Variants in PLOD2 observed in about 807,000 individuals in gnomAD.
PLOD2 encodes procollagen-lysine,2-oxoglutarate 5-dioxygenase 2, also known as lysine hydroxylase 2.
Under a neutral mutation model 101.0 loss-of-function variants are expected in PLOD2, and 65 were observed. That is an observed-to-expected ratio of 0.64 (90% CI 0.53 to 0.79). The LOEUF is 0.79. Ranked by LOEUF, PLOD2 falls within the 30% of genes least tolerant of loss-of-function variation. The probability of loss-of-function intolerance (pLI) is 0.00; values close to 1 mark genes in which losing one functional copy is unlikely to be tolerated. For synonymous variants in PLOD2, 314 were observed against 302.9 expected, an observed-to-expected ratio of 1.04 and a Z score of -0.38; for missense variants, 909 against 914.6, an observed-to-expected ratio of 0.99 and a Z score of 0.08.
chr3:146,087,507 T>C (rs1160927452), intron 9 of PLOD2, among the ~76,000 whole-genome samples: 2 of 151,870 alleles, frequency 1.3e-5, no homozygotes, highest in African/African-American at 4.8e-5. Flanking sequence ...GTTACCAATT[T>C]TAGTGTGATT....
chr3:146,130,561 G>A (rs1313904790), intron 1 of PLOD2, among the ~76,000 whole-genome samples: 1 of 152,144 alleles, frequency 6.6e-6, no homozygotes, highest in Non-Finnish European at 1.5e-5. Flanking sequence ...CAGAATGAGT[G>A]GACTCAGGGG....
rs536743290 is a variant in PLOD2, at chr3:146,116,465, AC to A, written c.338+4646del. ...TCCTGGCATTCCTGGGATAAATCCC[AC>A]TTGATCATGGGGGATATTTTTGTTG... On this transcript the variant is annotated intron_variant, in intron 3 of 19. Transcript: ENST00000282903. Among the ~76,000 whole-genome samples the A allele has an allele frequency of 4.1e-3, 623 of 152,292 alleles. 1 individual carries two copies. The highest frequency in any genetic ancestry group is 0.014 in the African/African-American group (600 of 41,576).
At chr3:146,144,664 T>C (rs1576627226) in intron 1 of PLOD2, among the ~76,000 whole-genome samples, 1 of 152,136 alleles carries the variant, frequency 6.6e-6, no homozygotes, top group Non-Finnish European at 1.5e-5. Flanking sequence ...ATAAAACTTA[T>C]GGTATAATCC....
At chr3:146,118,813 T>C (rs1451802013) in intron 3 of PLOD2, among the ~76,000 whole-genome samples, 1 of 152,206 alleles carries the variant, frequency 6.6e-6, no homozygotes, top group Non-Finnish European at 1.5e-5. Context: ...TTTATAACTT[T>C]GCGTGGTCTT....
chr3:146,160,794 C>G (rs2032537400), intron 1 of PLOD2, 87 bp downstream of exon 1: 4 of 855,942 alleles, frequency 4.7e-6, no homozygotes, highest in African/African-American at 1.7e-5. Flanking sequence ...CTCACCTGGC[C>G]AGCCCCGCGG....
At chr3:146,114,807 T>A (rs889606403) in intron 3 of PLOD2, among the ~76,000 whole-genome samples, 1 of 151,848 alleles carries the variant, frequency 6.6e-6, no homozygotes, top group African/African-American at 2.4e-5. Context: ...CAGGGTAGAG[T>A]CACAGAGGAT....
At chr3:146,097,204 G>C (rs948551841) in intron 7 of PLOD2, among the ~76,000 whole-genome samples, 1 of 139,664 alleles carries the variant, frequency 7.2e-6, no homozygotes, top group Non-Finnish European at 1.6e-5. Flanking sequence ...CCGGCCAGCC[G>C]CCCCATCCGG....
chr3:146,077,985 T>C, intron 13 of PLOD2, 61 bp from the exon 14 acceptor site: 1 of 925,758 alleles, frequency 1.1e-6, no homozygotes, highest in East Asian at 2.4e-5. Context: ...AGGTATTCTT[T>C]GGTAAATAAA....
Position 146,102,756 on chromosome 3 carries a change from T to G in PLOD2, c.776A>C (p.Lys259Thr). 1 of 1,489,046 alleles carries G rather than the reference T, an allele frequency of 6.7e-7. No individual in the cohort carries two copies. Among genetic ancestry groups the G allele is most frequent in the East Asian group, 2.3e-5 (1 of 44,214 alleles). 92.2% of individuals were successfully genotyped at this position (1,489,046 alleles called of 1,614,324 possible). A position where few individuals can be genotyped will look rare whatever the true frequency, so the allele number is the denominator to read the frequency against. Reference sequence around the variant, plus strand: ...CAAATAAAAGTAACTGTTACTTACCTTGGTGGGTCCATTTCCATTAATTGC... The same window carrying G: ...CAAATAAAAGTAACTGTTACTTACCGTGGTGGGTCCATTTCCATTAATTGC... ...PVAINGNGPT[K>T]ILLNYFGNYV... Residue 259 changes from lysine to threonine, a missense_variant and splice_region_variant, in exon 7 of 20, where the codon AAG becomes ACG. Coordinates refer to ENST00000282903, the MANE Select transcript of PLOD2 (RefSeq NM_182943.3).
chr3:146,096,877 A>AAGC, intron 7 of PLOD2, among the ~76,000 whole-genome samples: 1 of 18,176 alleles, frequency 5.5e-5, no homozygotes, highest in East Asian at 2.6e-3. Flanking sequence ...TCCGGGAGGG[A>AAGC]GGTGGGGGGG....
intron 3 of PLOD2, among the ~76,000 whole-genome samples, chr3:146,117,070 T>C (rs576820713): frequency 6.6e-6 from 1 of 152,280 alleles, no homozygotes; most frequent in Admixed American, 6.5e-5. Context: ...CACGACTCTG[T>C]AAATTTAATT....
At position 146,081,773 on chromosome 3, in the gene PLOD2, A is replaced by C. The variant is rs1177295339; in HGVS notation, c.1323T>G (p.Ser441=). ...CTTGAACAATATCCACATAATCTTC[A>C]GATCGTGCATAGTATCCATCAGGAC... ...ALSPDGYYAR[S]EDYVDIVQGN... The change falls in exon 12 of 20, where the codon TCT becomes TCG. Residue 441 remains serine (S), a synonymous_variant. Coordinates refer to ENST00000282903, the MANE Select transcript of PLOD2 (RefSeq NM_182943.3). 6.2e-7 allele frequency: 1 copy of C among 1,610,616 alleles called. No homozygotes were observed. Among genetic ancestry groups the C allele is most frequent in the East Asian group, 2.2e-5 (1 of 44,766 alleles).
intron 15 of PLOD2, among the ~76,000 whole-genome samples, chr3:146,075,487 T>TAA (rs35706246): frequency 0.11 from 10,430 of 93,580 alleles, 663 homozygotes; most frequent in South Asian, 0.16. Context: ...CTCAAATCTG[T>TAA]AAAAAAAAAA....
At chr3:146,073,869 AT>A (rs760822341) in intron 15 of PLOD2, among the ~76,000 whole-genome samples, 6 of 151,658 alleles carry the variant, frequency 4.0e-5, no homozygotes, top group African/African-American at 7.2e-5. Flanking sequence ...TAGTGAACTA[AT>A]TAACTAGGGT....
At chr3:146,099,942 G>A (rs1398867151) in intron 7 of PLOD2, among the ~76,000 whole-genome samples, 1 of 150,324 alleles carries the variant, frequency 6.7e-6, no homozygotes. Flanking sequence ...GAGAGTAATG[G>A]CGTGATCTTG....
At chr3:146,077,690 C>T (rs185703794) in intron 14 of PLOD2, 172 bp downstream of exon 14, 48 of 541,318 alleles carry the variant, frequency 8.9e-5, no homozygotes, top group East Asian at 2.9e-5. Flanking sequence ...GACTATCACA[C>T]AAGACCCATG....
chr3:146,150,707 A>G (rs1320700661), intron 1 of PLOD2, among the ~76,000 whole-genome samples: 2 of 150,794 alleles, frequency 1.3e-5, no homozygotes, highest in Non-Finnish European at 3.0e-5. Context: ...AAACCGTCAC[A>G]TGTACCCCTG....
chr3:146,145,774 AT>A, intron 1 of PLOD2, among the ~76,000 whole-genome samples: 1 of 146,596 alleles, frequency 6.8e-6, no homozygotes, highest in South Asian at 2.2e-4. Flanking sequence ...TATTACTGAC[AT>A]TATCAAAATC....
At chr3:146,104,213 G>A (rs1404056388) in intron 6 of PLOD2, 66 bp downstream of exon 6, 5 of 911,272 alleles carry the variant, frequency 5.5e-6, no homozygotes, top group Non-Finnish European at 9.3e-6. Flanking sequence ...CATAACAAAG[G>A]AAAGATAGTT....
Sources: allele counts gnomAD v4.1 joint callset (sites outside exome capture counted in the v4.1 genomes callset), GRCh38; gene constraint gnomAD v4.1.1; transcripts MANE v1.5; gene names NCBI Gene and HGNC (gene_info 2026-07-23, HGNC 2026-07-21).